Variants in R3HDM1 observed in about 807,000 individuals in gnomAD.
The protein encoded by R3HDM1 is R3H domain-containing protein 1.
In R3HDM1, 46 loss-of-function variants were observed where a neutral mutation model predicts 141.1. The ratio of observed to expected loss-of-function variants is 0.33; its 90% confidence interval spans 0.26 to 0.42. The LOEUF is 0.42. Among genes scored for constraint, R3HDM1 ranks in the 10% least tolerant of loss-of-function variants. R3HDM1 has a pLI of 1.00. For missense variants in R3HDM1, 1,184 were observed against 1,368.3 expected (o/e 0.87, Z 2.12); for synonymous variants, 435 against 472.9 (o/e 0.92, Z 1.04).
At chr2:135,592,042 CA>C (rs892120983) in intron 1 of R3HDM1, among the ~76,000 whole-genome samples, 1 of 152,140 alleles carries the variant, frequency 6.6e-6, no homozygotes, top group Non-Finnish European at 1.5e-5. Flanking sequence ...AATCATTGGC[CA>C]TGCAATTGAA....
chr2:135,651,693 A>G, intron 17 of R3HDM1, 37 bp from the exon 18 acceptor site: 1 of 1,570,598 alleles, frequency 6.4e-7, no homozygotes, highest in African/African-American at 1.3e-5. Context: ...GCCTATGTGT[A>G]GAAGGCTTAC....
In R3HDM1 at chr2:135,602,582, C is replaced by G. The variant is rs995091833; in HGVS notation, c.-167C>G. ...ACAGTGGTGACAAGGACATGGGACT[C>G]CTCCTGCCAGATTACAGATGGTTCA... On this transcript the variant is annotated 5_prime_UTR_variant, in exon 2 of 27. Transcript: ENST00000683871. The G allele has an allele frequency of 3.9e-6, 6 of 1,539,466 alleles. No individual in the cohort carries two copies. In the African/African-American group the frequency reaches 5.5e-5, roughly 14 times the overall value.
rs1395239701 is a variant in R3HDM1, at chr2:135,699,055, A to G, written c.2460-10378A>G. ...GATAGATAGATAGATAAGATAGATAAGATAGATTGATTAGATAGATTAGAT... is the reference window on the plus strand; with the variant it reads ...GATAGATAGATAGATAAGATAGATAGGATAGATTGATTAGATAGATTAGAT... On this transcript the variant is annotated intron_variant, in intron 21 of 26. Transcript: ENST00000683871. Among the ~76,000 whole-genome samples the G allele has an allele frequency of 6.1e-4, 81 of 133,486 alleles. 1 individual carries two copies. The highest frequency in any genetic ancestry group is 3.9e-3 in the Middle Eastern group (1 of 256). 87.6% of individuals were successfully genotyped at this position (133,486 alleles called of 152,430 possible).
rs181138310 is a variant in R3HDM1, at chr2:135,709,933, G to C, written c.2564-126G>C. The C allele has an allele frequency of 3.2e-4, 320 of 994,370 alleles. No homozygotes were observed. In the East Asian group the frequency reaches 6.2e-3, roughly 19 times the overall value. The allele number at this position is 994,370 out of a possible 1,614,324, so 61.6% of individuals were successfully genotyped here. On this transcript the variant is annotated intron_variant, in intron 22 of 26. Coordinates refer to ENST00000683871, the MANE Select transcript of R3HDM1 (RefSeq NM_001378107.1). The stretch of plus-strand genomic sequence containing the variant: ...GTGTGATGCACTAGGGCTTCAACCT[G>C]GTTTTCTTAGTTAATAGTAAAATTT...
chr2:135,714,405 A>G (rs978879963), intron 23 of R3HDM1, among the ~76,000 whole-genome samples: 2 of 152,238 alleles, frequency 1.3e-5, no homozygotes, highest in Non-Finnish European at 2.9e-5. Context: ...TGTCAAAGTC[A>G]TGAAAGAAAG....
At chr2:135,670,158 A>C (rs1290046975) in intron 19 of R3HDM1, 7 of 307,734 alleles carry the variant, frequency 2.3e-5, no homozygotes, top group African/African-American at 1.5e-4. Context: ...AAAAAAAAAA[A>C]CCAACAAAAA....
Position 135,590,127 on chromosome 2 carries a change from A to G in R3HDM1, c.-249-12373A>G, listed in dbSNP as rs557652870. On this transcript the variant is annotated intron_variant, in intron 1 of 26. Coordinates refer to ENST00000683871, the MANE Select transcript of R3HDM1 (RefSeq NM_001378107.1). ...TAAGAGTCACTGCTTTATAGTGTTT[A>G]TAAATCATTGCTCAATATGCTTTGT... 1.8e-4 allele frequency among the ~76,000 whole-genome samples: 27 copies of G among 152,310 alleles called. No individual in the cohort carries two copies. The East Asian group carries it at 5.0e-3, about 28-fold the overall frequency.
Position 135,724,074 on chromosome 2 carries a change from C to T in R3HDM1, c.3187C>T (p.His1063Tyr). ...GGACCCCCAGTCCCAACCACGTCGT[C>T]ACCCCCTCTGCTGTGGCAGTGGGGA... Reference protein sequence around the residue: ...LRDPQSQPRRHPLCCGSGDNT... With the variant: ...LRDPQSQPRRYPLCCGSGDNT... The change falls in exon 27 of 27, where the codon CAC becomes TAC. Residue 1063 changes from histidine to tyrosine, a missense_variant. This residue lies in a region of R3HDM1 where 182 missense variants were observed against 252.6 expected (regional missense o/e 0.72). Coordinates refer to ENST00000683871, the MANE Select transcript of R3HDM1 (RefSeq NM_001378107.1). 1 of 1,614,144 alleles carries T rather than the reference C, an allele frequency of 6.2e-7. No homozygotes were observed.
rs145002658 is a variant in R3HDM1, at chr2:135,715,508, C to T, written c.2737-42C>T. On this transcript the variant is annotated intron_variant, in intron 23 of 26. Coordinates refer to ENST00000683871, the MANE Select transcript of R3HDM1 (RefSeq NM_001378107.1). ...TCAGGAAGAATAAAAAATAAGCCTG[C>T]CCAAAATGCTGACCCATTTTCTTGA... 322 of 1,586,900 alleles carry T rather than the reference C, an allele frequency of 2.0e-4. 1 individual carries two copies. The highest frequency in any genetic ancestry group is 1.9e-3 in the Admixed American group (105 of 55,884).
intron 1 of R3HDM1, among the ~76,000 whole-genome samples, chr2:135,541,803 A>G (rs1438149202): frequency 2.0e-5 from 3 of 151,164 alleles, no homozygotes; most frequent in Non-Finnish European, 2.9e-5. Flanking sequence ...GGAAAATGGT[A>G]CTGATCGATA....
At chr2:135,541,207 C>CT (rs1276725960) in intron 1 of R3HDM1, among the ~76,000 whole-genome samples, 38 of 148,020 alleles carry the variant, frequency 2.6e-4, no homozygotes, top group Middle Eastern at 3.4e-3. Context: ...GCATTAGCTT[C>CT]TTTTTTTTTT....
intron 21 of R3HDM1, among the ~76,000 whole-genome samples, chr2:135,680,957 A>G (rs191165194): frequency 1.3e-5 from 2 of 152,136 alleles, no homozygotes; most frequent in East Asian, 3.8e-4. Flanking sequence ...GAAAAATTGT[A>G]TTTCCTGTGT....
chr2:135,573,819 T>C (rs1704718920), intron 1 of R3HDM1, among the ~76,000 whole-genome samples: 3 of 152,290 alleles, frequency 2.0e-5, no homozygotes, highest in Admixed American at 2.0e-4. Context: ...AGGACTTTGC[T>C]ATACTAACAG....
At chr2:135,643,825 A>G (rs1199562081) in intron 15 of R3HDM1, among the ~76,000 whole-genome samples, 1 of 152,224 alleles carries the variant, frequency 6.6e-6, no homozygotes, top group Admixed American at 6.5e-5. Context: ...CACAGATGGA[A>G]TTGGAGACCA....
intron 1 of R3HDM1, among the ~76,000 whole-genome samples, chr2:135,552,057 T>C (rs1231911400): frequency 6.6e-6 from 1 of 152,136 alleles, no homozygotes; most frequent in Non-Finnish European, 1.5e-5. Flanking sequence ...AGTAAAGAAG[T>C]TTTTGTGTCT....
At chr2:135,603,640 C>T (rs951826895) in intron 2 of R3HDM1, among the ~76,000 whole-genome samples, 2 of 152,174 alleles carry the variant, frequency 1.3e-5, no homozygotes, top group East Asian at 1.9e-4. Flanking sequence ...CAGAGCCTCA[C>T]TCTGTCACCC....
chr2:135,719,228 TAC>T (rs2076464319), intron 24 of R3HDM1, among the ~76,000 whole-genome samples: 1 of 152,114 alleles, frequency 6.6e-6, no homozygotes, highest in Admixed American at 6.6e-5. Flanking sequence ...GTATGCGTCA[TAC>T]AGTCTGGTAT....
intron 3 of R3HDM1, chr2:135,605,879 T>A (rs1046239145): frequency 5.9e-5 from 9 of 152,334 alleles, no homozygotes; most frequent in African/African-American, 2.2e-4. Context: ...AGATGGAGTT[T>A]CACTGTGTTG....
At chr2:135,593,824 G>A (rs184360750) in intron 1 of R3HDM1, among the ~76,000 whole-genome samples, 8 of 152,242 alleles carry the variant, frequency 5.3e-5, no homozygotes, top group African/African-American at 1.2e-4. Flanking sequence ...AGGTTCAAGC[G>A]ATTCTCATGC....
Sources: gnomAD v4.1 joint callset for allele counts (sites outside exome capture counted in the v4.1 genomes callset) on GRCh38, gnomAD v4.1.1 for gene constraint, gnomAD v4.1.1 regional missense constraint, MANE v1.5 for transcripts, NCBI Gene and HGNC (gene_info 2026-07-23, HGNC 2026-07-21) for gene names.